Variants in PDCD10 observed in about 807,000 individuals in gnomAD.
PDCD10 encodes the protein programmed cell death protein 10.
In PDCD10, 4 loss-of-function variants were observed where a neutral mutation model predicts 29.2. The ratio of observed to expected loss-of-function variants is 0.14; its 90% CI spans 0.07 to 0.31. The LOEUF (loss-of-function observed/expected upper bound fraction) is 0.31. PDCD10 is among the 10% of genes least tolerant of loss of function. The pLI is 1.00. For synonymous variants in PDCD10, 70 were observed against 82.2 expected (o/e 0.85, Z 0.80); for missense variants, 183 against 257.9 (o/e 0.71, Z 1.99).
intron 2 of PDCD10, among the ~76,000 whole-genome samples, chr3:167,728,071 T>C (rs1007469552): frequency 2.6e-5 from 4 of 152,234 alleles, no homozygotes; most frequent in African/African-American, 4.8e-5. Context: ...TTACTGCATC[T>C]ACTGTTCCTC....
At chr3:167,706,085 C>A (rs916679517) in intron 3 of PDCD10, among the ~76,000 whole-genome samples, 1 of 152,156 alleles carries the variant, frequency 6.6e-6, no homozygotes, top group Non-Finnish European at 1.5e-5. Context: ...CTCTGTATAG[C>A]CCTGAATGGT....
intron 4 of PDCD10, among the ~76,000 whole-genome samples, chr3:167,703,936 A>G (rs1423713875): frequency 6.6e-6 from 1 of 152,200 alleles, no homozygotes; most frequent in South Asian, 2.1e-4. Flanking sequence ...TCTTATATGA[A>G]GTCTTCAAAA....
rs77869542 is a variant in PDCD10 at position 167,723,707 on chromosome 3, G to A, written c.-116-3434C>T. ...TTTGCAGGGAAATCTTCAGTTCAAA[G>A]TAAGCTTTGTGTACTGTTGGCATCC... On this transcript the variant is annotated intron_variant, in intron 2 of 8. Transcript: ENST00000392750. 5.3e-3 allele frequency among the ~76,000 whole-genome samples: 805 copies of A among 152,282 alleles called. 6 individuals carry two copies. The highest frequency in any genetic ancestry group is 9.9e-3 in the Non-Finnish European group (674 of 68,012).
rs1049212322 is a variant in PDCD10, at chr3:167,732,937, G to C, written c.-117+1277C>G. Among the ~76,000 whole-genome samples, 45 of 152,078 alleles carry C rather than the reference G, an allele frequency of 3.0e-4. 1 individual carries two copies. Among genetic ancestry groups the C allele is most frequent in the Admixed American group, 2.9e-3 (45 of 15,272 alleles). On this transcript the variant is annotated intron_variant, in intron 2 of 8. Transcript: ENST00000392750. The stretch of plus-strand genomic sequence containing the variant: ...CATAATTTTCCATTTGTTTAACTGG[G>C]TCTTCCTTGTCTGTGTACTACATTA...
chr3:167,687,394 G>T, intron 7 of PDCD10, 78 bp from the exon 8 acceptor site: 1 of 860,138 alleles, frequency 1.2e-6, no homozygotes, highest in Non-Finnish European at 2.0e-6. Context: ...AAGGACAAGA[G>T]ATTACACAGG....
At chr3:167,696,098 G>C (rs1304579837) in intron 5 of PDCD10, among the ~76,000 whole-genome samples, 1 of 151,820 alleles carries the variant, frequency 6.6e-6, no homozygotes, top group Admixed American at 6.6e-5. Context: ...GTCATAACTA[G>C]TGCAAAGGTA....
At chr3:167,696,766 T>G (rs1354162017) in intron 5 of PDCD10, among the ~76,000 whole-genome samples, 1 of 152,174 alleles carries the variant, frequency 6.6e-6, no homozygotes, top group Non-Finnish European at 1.5e-5. Context: ...AATTGAAGTA[T>G]GCAGCATAAA....
chr3:167,701,299 T>C (rs888930482), intron 4 of PDCD10, among the ~76,000 whole-genome samples: 1 of 152,192 alleles, frequency 6.6e-6, no homozygotes, highest in Admixed American at 6.5e-5. Flanking sequence ...CAGATATATA[T>C]TGAGATATCA....
At chr3:167,691,035 T>C (rs1430457949) in intron 6 of PDCD10, among the ~76,000 whole-genome samples, 5 of 152,214 alleles carry the variant, frequency 3.3e-5, no homozygotes, top group Non-Finnish European at 7.3e-5. Flanking sequence ...TGACATATGC[T>C]TATTGAAAAA....
intron 6 of PDCD10, among the ~76,000 whole-genome samples, chr3:167,694,113 C>T (rs536869105): frequency 2.6e-5 from 4 of 152,082 alleles, no homozygotes; most frequent in Admixed American, 2.0e-4. Flanking sequence ...ATTATTTTCC[C>T]ATTGTACCAA....
At chr3:167,718,408 T>C (rs1047974400) in intron 3 of PDCD10, among the ~76,000 whole-genome samples, 8 of 151,888 alleles carry the variant, frequency 5.3e-5, no homozygotes, top group Non-Finnish European at 8.8e-5. Flanking sequence ...AAAAAAATGG[T>C]GAAATTAATT....
intron 2 of PDCD10, among the ~76,000 whole-genome samples, chr3:167,732,969 G>A (rs1418125300): frequency 6.6e-6 from 1 of 152,004 alleles, no homozygotes; most frequent in East Asian, 1.9e-4. Context: ...ATTACTTATG[G>A]TACATTATTC....
intron 4 of PDCD10, among the ~76,000 whole-genome samples, chr3:167,698,790 T>C (rs1207351789): frequency 4.6e-5 from 7 of 152,310 alleles, no homozygotes; most frequent in Non-Finnish European, 8.8e-5. Context: ...AGCATATCTC[T>C]GATTAAGTTA....
At chr3:167,689,508 T>C (rs1020130760) in intron 6 of PDCD10, among the ~76,000 whole-genome samples, 1 of 152,156 alleles carries the variant, frequency 6.6e-6, no homozygotes, top group Non-Finnish European at 1.5e-5. Context: ...ATGTTTCATA[T>C]ACAATAACAG....
intron 4 of PDCD10, among the ~76,000 whole-genome samples, chr3:167,699,198 A>AT (rs1721119125): frequency 6.6e-6 from 1 of 152,030 alleles, no homozygotes; most frequent in South Asian, 2.1e-4. Flanking sequence ...TTGCAGATAT[A>AT]TTTTTTTCTG....
chr3:167,720,999 T>A (rs527901308), intron 2 of PDCD10, among the ~76,000 whole-genome samples: 20 of 152,176 alleles, frequency 1.3e-4, no homozygotes, highest in African/African-American at 4.8e-4. Context: ...AATCAAGAAT[T>A]CAACAATAAA....
chr3:167,729,596 G>A (rs1724578780), intron 2 of PDCD10, among the ~76,000 whole-genome samples: 1 of 152,064 alleles, frequency 6.6e-6, no homozygotes. Context: ...CCTCTACCTC[G>A]AAGGGTTGTC....
Position 167,685,984 on chromosome 3 carries a change from C to T in PDCD10, c.557+1250G>A, listed in dbSNP as rs1306133340. On this transcript the variant is annotated intron_variant, in intron 8 of 8. Coordinates refer to ENST00000392750, the MANE Select transcript of PDCD10 (RefSeq NM_007217.4). Reference sequence around the variant, plus strand: ...TGTTAAAAATGACTCTGAAAATTAACATAATTCTATCTAATGTATTTTTAT... The same window carrying T: ...TGTTAAAAATGACTCTGAAAATTAATATAATTCTATCTAATGTATTTTTAT... 5.3e-5 allele frequency among the ~76,000 whole-genome samples: 8 copies of T among 152,082 alleles called. No individual in the cohort carries two copies. In the East Asian group the frequency reaches 7.7e-4, roughly 15 times the overall value.
At chr3:167,729,384 A>AC (rs908776410) in intron 2 of PDCD10, among the ~76,000 whole-genome samples, 14 of 152,142 alleles carry the variant, frequency 9.2e-5, no homozygotes, top group Non-Finnish European at 7.4e-5. Flanking sequence ...CTCTGTAACT[A>AC]CAACTCTTAA....
Sources: allele counts gnomAD v4.1 joint callset (sites outside exome capture counted in the v4.1 genomes callset), GRCh38; gene constraint gnomAD v4.1.1; transcripts MANE v1.5; gene names NCBI Gene and HGNC (gene_info 2026-07-23, HGNC 2026-07-21).